Variants in TFAP2C observed in about 807,000 individuals in gnomAD.
TFAP2C encodes activating enhancer-binding protein 2 gamma.
A neutral mutation model predicts 42.9 loss-of-function variants in TFAP2C; 9 were observed. The ratio of observed to expected loss-of-function variants is 0.21; its 90% CI spans 0.13 to 0.37. TFAP2C has a LOEUF of 0.37. Among genes scored for constraint, TFAP2C ranks in the 10% least tolerant of loss-of-function variants. The pLI is 1.00. For synonymous variants in TFAP2C, 264 were observed against 256.0 expected (o/e 1.03, Z -0.30); for missense variants, 462 against 591.7 (o/e 0.78, Z 2.27).
In TFAP2C at chr20:56,630,359, C is replaced by T; in HGVS notation, c.48+767C>T. The stretch of plus-strand genomic sequence containing the variant: ...GCGCTTCCGCCAGGAGGCGACAGCG[C>T]CATGTTCCTCCAGGTTCCCGGCGCC... On this transcript the variant is annotated intron_variant, in intron 1 of 6. Transcript: ENST00000201031. This position sits in a 1 kb window ranked among gnomAD's most constrained non-coding sequence, Gnocchi z 5.1. The T allele has an allele frequency of 2.2e-6, 1 of 458,820 alleles. No homozygotes were observed. Among genetic ancestry groups the T allele is most frequent in the Non-Finnish European group, 4.5e-6 (1 of 222,456 alleles). 28.4% of individuals were successfully genotyped at this position (458,820 alleles called of 1,614,324 possible).
rs754428981 is a variant in TFAP2C, at chr20:56,631,159, G to A, written c.49-46G>A. The A allele has an allele frequency of 2.0e-6, 3 of 1,477,040 alleles. No individual in the cohort carries two copies. The Admixed American group carries it at 7.3e-5, about 36-fold the overall frequency. 91.5% of individuals were successfully genotyped at this position (1,477,040 alleles called of 1,614,324 possible). ...GCGATGCCGGCCAGTTCGCAGTAGC[G>A]GGGTTTCGCACTAACGGGGTCTCCT... On this transcript the variant is annotated intron_variant, in intron 1 of 6. Coordinates refer to ENST00000201031, the MANE Select transcript of TFAP2C (RefSeq NM_003222.4). The surrounding 1 kb of genome is among the most constrained non-coding windows in gnomAD (Gnocchi z 6.1).
In TFAP2C at chr20:56,638,976, T is replaced by C. The variant is rs1259522751; in HGVS notation, c.*963T>C. ...TGGGATCCAATTTTAATATTAACTT[T>C]TAATGGTGATGGGGTAATCTATAAC... On this transcript the variant is annotated 3_prime_UTR_variant, in exon 7 of 7. Transcript: ENST00000201031. 1 of 152,576 alleles carries C rather than the reference T, an allele frequency of 6.6e-6. No individual in the cohort carries two copies. The highest frequency in any genetic ancestry group is 1.5e-5 in the Non-Finnish European group (1 of 68,028). The allele number at this position is 152,576 out of a possible 1,614,324, so 9.5% of individuals were successfully genotyped here.
chr20:56,631,772 G>A lies in TFAP2C; in HGVS notation c.535-33G>A, dbSNP rs1987497463. The A allele has an allele frequency of 5.0e-6, 8 of 1,613,872 alleles. No homozygotes were observed. Among genetic ancestry groups the A allele is most frequent in the Non-Finnish European group, 6.8e-6 (8 of 1,180,010 alleles). ...ACCCCGCACTCCTCTAGGCTCCCCC[G>A]AACTTAAGGGAATTTTGTCCTCTCT... On this transcript the variant is annotated intron_variant, in intron 2 of 6. Transcript: ENST00000201031. The surrounding 1 kb of genome is among the most constrained non-coding windows in gnomAD (Gnocchi z 6.1).
rs1183866434 is a variant in TFAP2C, at chr20:56,638,308, C to G, written c.*295C>G. The G allele has an allele frequency of 6.1e-6, 2 of 326,286 alleles. No individual in the cohort carries two copies. The highest frequency in any genetic ancestry group is 2.1e-5 in the African/African-American group (1 of 48,060). The allele number at this position is 326,286 out of a possible 1,614,324, so 20.2% of individuals were successfully genotyped here. A position where few individuals can be genotyped will look rare whatever the true frequency, so the allele number is the denominator to read the frequency against. On this transcript the variant is annotated 3_prime_UTR_variant, in exon 7 of 7. Transcript: ENST00000201031. ...ATTCTTTCCTTCTCTGAAAGTGGTG[C>G]TATAAGTTTTAGAATCTTTTAAATA...
intron 6 of TFAP2C, 30 bp from the exon 7 acceptor site, chr20:56,637,698 A>T (rs371445486): frequency 1.5e-5 from 24 of 1,610,050 alleles, no homozygotes; most frequent in Non-Finnish European, 1.8e-5. Flanking sequence ...GCTAGATGGA[A>T]CTCATCGAGT....
chr20:56,634,745 C>T (rs1422793103), intron 5 of TFAP2C, among the ~76,000 whole-genome samples: 4 of 152,184 alleles, frequency 2.6e-5, no homozygotes, highest in East Asian at 3.9e-4. Flanking sequence ...ACGACTGGCC[C>T]GATTCACAAT....
chr20:56,638,036 G>T lies in TFAP2C; in HGVS notation c.*23G>T. 1 of 1,602,148 alleles carries T rather than the reference G, an allele frequency of 6.2e-7. No individual in the cohort carries two copies. The highest frequency in any genetic ancestry group is 8.5e-7 in the Non-Finnish European group (1 of 1,173,492). On this transcript the variant is annotated 3_prime_UTR_variant, in exon 7 of 7. Coordinates refer to ENST00000201031, the MANE Select transcript of TFAP2C (RefSeq NM_003222.4). ...TAAAATTGGAACGAAGAAAGGTTAG[G>T]AGAGTAGGGAAGGAACAGGACTGCA...
chr20:56,631,242 T>C lies in TFAP2C; in HGVS notation c.86T>C (p.Val29Ala). Residue 29 changes from valine (V) to alanine (A), a missense_variant, in exon 2 of 7, where the codon GTC becomes GCC. Val to Ala is a moderately conservative substitution (Grantham distance 64, BLOSUM62 0). Around this residue, in one of 5 missense-constraint regions of TFAP2C, gnomAD observed 271 missense variants for 269.7 expected, o/e 1.00. Coordinates refer to ENST00000201031, the MANE Select transcript of TFAP2C (RefSeq NM_003222.4). This position sits in a 1 kb window ranked among gnomAD's most constrained non-coding sequence, Gnocchi z 6.1. The part of the protein sequence containing the change: ...HDGSSNGNPR[V>A]PHLSSAGQHL... ...GGGAGCAGCAATGGGAATCCGCGGGTCCCCCACCTCTCCTCCGCCGGGCAG... is the reference window on the plus strand; with the variant it reads ...GGGAGCAGCAATGGGAATCCGCGGGCCCCCCACCTCTCCTCCGCCGGGCAG... 2.6e-6 allele frequency: 4 copies of C among 1,558,924 alleles called. No homozygotes were observed. The highest frequency in any genetic ancestry group is 3.5e-6 in the Non-Finnish European group (4 of 1,154,646).
Position 56,629,645 on chromosome 20 carries a change from G to C in TFAP2C, c.48+53G>C. On this transcript the variant is annotated intron_variant, in intron 1 of 6. Transcript: ENST00000201031. The surrounding 1 kb of genome is among the most constrained non-coding windows in gnomAD (Gnocchi z 5.9). The stretch of plus-strand genomic sequence containing the variant: ...CGCCCCGCCGAGGACAGTCCGGGAG[G>C]CAGGGGCCACTGGACCGAGGTCGGG... 7.4e-7 allele frequency: 1 copy of C among 1,349,004 alleles called. No homozygotes were observed. Among genetic ancestry groups the C allele is most frequent in the South Asian group, 2.2e-5 (1 of 46,174 alleles). 83.6% of individuals were successfully genotyped at this position (1,349,004 alleles called of 1,614,324 possible).
intron 3 of TFAP2C, among the ~76,000 whole-genome samples, chr20:56,632,178 GA>G (rs1413667195): frequency 6.6e-6 from 1 of 152,156 alleles, no homozygotes; most frequent in East Asian, 1.9e-4. Context: ...AAAACAACAA[GA>G]AAAAAGTCAC....
At chr20:56,635,739 A>G (rs1987571467) in intron 5 of TFAP2C, among the ~76,000 whole-genome samples, 1 of 152,156 alleles carries the variant, frequency 6.6e-6, no homozygotes, top group Non-Finnish European at 1.5e-5. Flanking sequence ...ACATTTTTCA[A>G]GTTTACTCAT....
intron 6 of TFAP2C, 137 bp from the exon 7 acceptor site, chr20:56,637,591 T>C (rs763873436): frequency 3.1e-5 from 22 of 698,840 alleles, no homozygotes; most frequent in Non-Finnish European, 5.0e-5. Context: ...AGTTGGCTAT[T>C]AGTATTAAAT....
chr20:56,638,725 C>CA lies in TFAP2C; in HGVS notation c.*713dup, dbSNP rs1365866900. On this transcript the variant is annotated 3_prime_UTR_variant, in exon 7 of 7. Coordinates refer to ENST00000201031, the MANE Select transcript of TFAP2C (RefSeq NM_003222.4). ...TCAAATGGGAGACTCTTTGAAATGA[C>CA]ATGTTCCTTTAAGGTACTGAAGCTT... 1 of 141,296 alleles carries CA rather than the reference C, an allele frequency of 7.1e-6. No individual in the cohort carries two copies. Among genetic ancestry groups the CA allele is most frequent in the African/African-American group, 2.6e-5 (1 of 37,916 alleles). 8.8% of individuals were successfully genotyped at this position (141,296 alleles called of 1,614,324 possible).
Position 56,630,324 on chromosome 20 carries a change from G to A in TFAP2C, c.48+732G>A. The A allele has an allele frequency of 2.4e-6, 1 of 421,476 alleles. No homozygotes were observed. The highest frequency in any genetic ancestry group is 4.8e-6 in the Non-Finnish European group (1 of 206,580). 26.1% of individuals were successfully genotyped at this position (421,476 alleles called of 1,614,324 possible). A position where few individuals can be genotyped will look rare whatever the true frequency, so the allele number is the denominator to read the frequency against. ...GGGCCCTGGAGGGCTGCCCCTGCCC[G>A]CAGGCCCGGGCGCTTCCGCCAGGAG... On this transcript the variant is annotated intron_variant, in intron 1 of 6. Transcript: ENST00000201031. This position sits in a 1 kb window ranked among gnomAD's most constrained non-coding sequence, Gnocchi z 5.1.
chr20:56,629,453 TG>T lies in TFAP2C; in HGVS notation c.-90del. 8.4e-7 allele frequency: 1 copy of T among 1,193,400 alleles called. No homozygotes were observed. Among genetic ancestry groups the T allele is most frequent in the African/African-American group, 1.6e-5 (1 of 63,788 alleles). 73.9% of individuals were successfully genotyped at this position (1,193,400 alleles called of 1,614,324 possible). A position where few individuals can be genotyped will look rare whatever the true frequency, so the allele number is the denominator to read the frequency against. ...CGCGGCGGGGGCGGCGGCAGACGCC[TG>T]GTCACCGTGACCCCGATTTTGGATT... On this transcript the variant is annotated 5_prime_UTR_variant, in exon 1 of 7. Coordinates refer to ENST00000201031, the MANE Select transcript of TFAP2C (RefSeq NM_003222.4). The surrounding 1 kb of genome is among the most constrained non-coding windows in gnomAD (Gnocchi z 5.9).
In TFAP2C at chr20:56,634,193, G is replaced by T; in HGVS notation, c.847G>T (p.Asp283Tyr). 6.2e-7 allele frequency: 1 copy of T among 1,614,208 alleles called. No individual in the cohort carries two copies. The highest frequency in any genetic ancestry group is 2.2e-5 in the East Asian group (1 of 44,886). ...AGGCCGGTCCTTGCGGGAGAAGTTG[G>T]ACAAGATTGGGTTGAATCTTCCGGC... ...NGGRSLREKL[D>Y]KIGLNLPAGR... Residue 283 changes from aspartate (D) to tyrosine (Y), a missense_variant, in exon 5 of 7, where the codon GAC (aspartate) becomes TAC (tyrosine). This residue lies in a region of TFAP2C where 40 missense variants were observed against 106.8 expected (regional missense o/e 0.37). Coordinates refer to ENST00000201031, the MANE Select transcript of TFAP2C (RefSeq NM_003222.4).
rs1171618697 is a variant in TFAP2C at position 56,637,883 on chromosome 20, C to T, written c.1223C>T (p.Ala408Val). The T allele has an allele frequency of 5.0e-6, 8 of 1,599,222 alleles. No homozygotes were observed. The highest frequency in any genetic ancestry group is 1.7e-5 in the Admixed American group (1 of 60,002). The change falls in exon 7 of 7, where the codon GCG becomes GTG. Residue 408 changes from alanine to valine, a missense_variant. Physicochemically the swap from Ala to Val is moderately conservative, Grantham distance 64 (BLOSUM62 0). Around this residue, in one of 5 missense-constraint regions of TFAP2C, gnomAD observed 130 missense variants for 160.8 expected, o/e 0.81. Transcript: ENST00000201031. ...HGFGSQAICA[A>V]VSALQNYIKE... ...TTTGGCAGCCAGGCCATCTGTGCCGCGGTGTCTGCCCTGCAGAACTACATC... is the reference window on the plus strand; with the variant it reads ...TTTGGCAGCCAGGCCATCTGTGCCGTGGTGTCTGCCCTGCAGAACTACATC...
In TFAP2C at chr20:56,636,691, C is replaced by G. The variant is rs528685340; in HGVS notation, c.1004C>G (p.Thr335Ser). The change falls in exon 6 of 7, where the codon ACC becomes AGC. Residue 335 changes from threonine (T) to serine (S), a missense_variant. Transcript: ENST00000201031. ...AGTAAACCAGTGGCAGAATATTTAACCAGACCTCATCTTGGAGGACGAAAT... is the reference window on the plus strand; with the variant it reads ...AGTAAACCAGTGGCAGAATATTTAAGCAGACCTCATCTTGGAGGACGAAAT... ...FPSKPVAEYL[T>S]RPHLGGRNEM... is the part of the protein sequence containing the mutation. The G allele has an allele frequency of 2.0e-5, 33 of 1,614,102 alleles. No individual in the cohort carries two copies. In the South Asian group the frequency reaches 3.4e-4, roughly 17 times the overall value.
At chr20:56,637,490 T>A (rs1299062185) in intron 6 of TFAP2C, among the ~76,000 whole-genome samples, 1 of 152,252 alleles carries the variant, frequency 6.6e-6, no homozygotes, top group Admixed American at 6.5e-5. Context: ...TTAATCCTGT[T>A]GTCTTTTCTA....
Sources: allele counts gnomAD v4.1 joint callset (sites outside exome capture counted in the v4.1 genomes callset), GRCh38; gene constraint gnomAD v4.1.1; regional missense constraint gnomAD v4.1.1; non-coding constraint Gnocchi (gnomAD v3.1); transcripts MANE v1.5; gene names NCBI Gene and HGNC (gene_info 2026-07-23, HGNC 2026-07-21).